The following SHOC2 variants were observed in gnomAD, a reference collection of about 807,000 sequenced individuals.
SHOC2 encodes the protein leucine-rich repeat protein SHOC-2.
A neutral mutation model predicts 50.2 loss-of-function variants in SHOC2; 4 were observed. The ratio of observed to expected loss-of-function variants is 0.08; its 90% CI spans 0.04 to 0.18. The LOEUF is 0.18. SHOC2 is among the 10% of genes least tolerant of loss of function. The probability of loss-of-function intolerance (pLI) is 1.00; values close to 1 mark genes in which losing one functional copy is unlikely to be tolerated. For missense variants in SHOC2, 388 were observed against 669.6 expected (o/e 0.58, Z 4.64); for synonymous variants, 218 against 244.5 (o/e 0.89, Z 1.01).
Position 110,964,427 on chromosome 10 carries a change from A to G in SHOC2, c.69A>G (p.Glu23=). Residue 23 remains glutamate (E), a synonymous_variant, in exon 2 of 9, where the codon GAA becomes GAG. Transcript: ENST00000369452. The surrounding 1 kb of genome is among the most constrained non-coding windows in gnomAD (Gnocchi z 4.9). ...EKDPKVPSAK[E]REKEAKASGG... Reference sequence around the variant, plus strand: ...ATCCCAAAGTACCATCAGCCAAGGAAAGAGAAAAGGAGGCAAAAGCCTCTG... The same window carrying G: ...ATCCCAAAGTACCATCAGCCAAGGAGAGAGAAAAGGAGGCAAAAGCCTCTG... 1 of 1,613,366 alleles carries G rather than the reference A, an allele frequency of 6.2e-7. No homozygotes were observed. The highest frequency in any genetic ancestry group is 8.5e-7 in the Non-Finnish European group (1 of 1,179,868).
In SHOC2 at chr10:110,964,269, A is replaced by G. The variant is rs1847628202; in HGVS notation, c.-90A>G. The G allele has an allele frequency of 1.3e-6, 2 of 1,532,230 alleles. No homozygotes were observed. Among genetic ancestry groups the G allele is most frequent in the Admixed American group, 2.2e-5 (1 of 44,480 alleles). The allele number at this position is 1,532,230 out of a possible 1,614,324, so 94.9% of individuals were successfully genotyped here. On this transcript the variant is annotated 5_prime_UTR_variant, in exon 2 of 9. The change abolishes the stop of an existing upstream ORF in the 5' untranslated region. Transcript: ENST00000369452. The surrounding 1 kb of genome is among the most constrained non-coding windows in gnomAD (Gnocchi z 4.9). ...ACTTCTTCAAGCCAGTACTTTTTTG[A>G]TTGTGTAGGATCTTTGTCTCTTCAT...
intron 2 of SHOC2, among the ~76,000 whole-genome samples, chr10:110,966,144 A>C (rs1476440474): frequency 6.6e-6 from 1 of 152,102 alleles, no homozygotes; most frequent in East Asian, 1.9e-4. Context: ...CTTTGAAAAA[A>C]GATGTGGTTT....
intron 3 of SHOC2, among the ~76,000 whole-genome samples, chr10:110,992,739 A>G (rs1199639508): frequency 6.6e-6 from 1 of 152,184 alleles, no homozygotes; most frequent in African/African-American, 2.4e-5. Flanking sequence ...CGTATGTATA[A>G]CAACTTTACT....
In SHOC2 at chr10:111,007,519, TG is replaced by T; in HGVS notation, c.1162-11del. On this transcript the variant is annotated splice_polypyrimidine_tract_variant and intron_variant, in intron 5 of 8. Coordinates refer to ENST00000369452, the MANE Select transcript of SHOC2 (RefSeq NM_007373.4). ...TGATTCTACCTTGGATGCTTCTTTTTGTCTTTGCCAGGACAATCAGTTAACA... is the reference window on the plus strand; with the variant it reads ...TGATTCTACCTTGGATGCTTCTTTTTTCTTTGCCAGGACAATCAGTTAACA... The T allele has an allele frequency of 6.2e-7, 1 of 1,613,536 alleles. No homozygotes were observed. Among genetic ancestry groups the T allele is most frequent in the Non-Finnish European group, 8.5e-7 (1 of 1,179,590 alleles).
At chr10:110,933,862 C>A (rs1291272396) in intron 1 of SHOC2, among the ~76,000 whole-genome samples, 1 of 151,970 alleles carries the variant, frequency 6.6e-6, no homozygotes, top group Admixed American at 6.6e-5. Flanking sequence ...ATGCCCATAT[C>A]TTTTGATTTT....
chr10:110,928,305 G>C (rs1846816661), intron 1 of SHOC2, among the ~76,000 whole-genome samples: 1 of 151,712 alleles, frequency 6.6e-6, no homozygotes. Flanking sequence ...CAACAAACAA[G>C]CAAAATAATT....
intron 1 of SHOC2, among the ~76,000 whole-genome samples, chr10:110,948,673 C>T (rs565610774): frequency 2.6e-5 from 4 of 152,078 alleles, no homozygotes; most frequent in East Asian, 1.9e-4. Flanking sequence ...AAAGGTGTCT[C>T]GAGACAAAAG....
In SHOC2 at chr10:111,009,723, T is replaced by G. The variant is rs1199711316; in HGVS notation, c.1433T>G (p.Leu478Trp). The stretch of plus-strand genomic sequence containing the variant: ...TTGTAAATCTTTTAGAAATTAGTCT[T>G]GACAAACAACCAGTTGACCACTCTT... ...AYLKDLQKLV[L>W]TNNQLTTLPR... Residue 478 changes from leucine to tryptophan, a missense_variant, in exon 8 of 9, where the codon TTG becomes TGG. Leu to Trp is a moderately conservative substitution (Grantham distance 61). Around this residue, in one of 5 missense-constraint regions of SHOC2, gnomAD observed 130 missense variants for 208.6 expected, o/e 0.62. Transcript: ENST00000369452. 6.2e-7 allele frequency: 1 copy of G among 1,603,704 alleles called. No homozygotes were observed. Among genetic ancestry groups the G allele is most frequent in the Non-Finnish European group, 8.5e-7 (1 of 1,170,766 alleles).
At chr10:111,004,172 A>G (rs1000039736) in intron 4 of SHOC2, among the ~76,000 whole-genome samples, 1 of 152,176 alleles carries the variant, frequency 6.6e-6, no homozygotes, top group African/African-American at 2.4e-5. Flanking sequence ...TATGACTAAG[A>G]CTAGGTAGGA....
intron 3 of SHOC2, chr10:110,988,992 CT>C: frequency 1.9e-6 from 1 of 516,810 alleles, no homozygotes. Context: ...ACTGAGACTA[CT>C]TTTGCACCAA....
At chr10:110,957,324 CAA>C (rs1394871066) in intron 1 of SHOC2, among the ~76,000 whole-genome samples, 8 of 152,156 alleles carry the variant, frequency 5.3e-5, no homozygotes, top group Non-Finnish European at 4.4e-5. Context: ...CTTTACTTCT[CAA>C]AGTCTTAGGA....
At chr10:110,975,010 T>C (rs1348368771) in intron 2 of SHOC2, among the ~76,000 whole-genome samples, 2 of 152,160 alleles carry the variant, frequency 1.3e-5, no homozygotes, top group Non-Finnish European at 2.9e-5. Flanking sequence ...AGCTTCTTGA[T>C]ATTAATTAAC....
chr10:110,962,045 A>G (rs1032315768), intron 1 of SHOC2, among the ~76,000 whole-genome samples: 3 of 152,046 alleles, frequency 2.0e-5, no homozygotes, highest in Non-Finnish European at 2.9e-5. Flanking sequence ...TTTTAAACAA[A>G]TATCTCAGGT....
At chr10:110,960,711 T>C (rs1288894210) in intron 1 of SHOC2, among the ~76,000 whole-genome samples, 4 of 152,248 alleles carry the variant, frequency 2.6e-5, no homozygotes, top group African/African-American at 9.6e-5. Flanking sequence ...AATCTCTCTC[T>C]GTCGCCCAGG....
At chr10:110,987,870 G>A (rs1345768984) in intron 3 of SHOC2, among the ~76,000 whole-genome samples, 1 of 152,018 alleles carries the variant, frequency 6.6e-6, no homozygotes, top group Non-Finnish European at 1.5e-5. Flanking sequence ...ATAACCAAAT[G>A]AACACAGCCA....
intron 1 of SHOC2, among the ~76,000 whole-genome samples, chr10:110,957,119 C>T (rs1847479208): frequency 6.6e-6 from 1 of 152,154 alleles, no homozygotes; most frequent in African/African-American, 2.4e-5. Context: ...TTGGAAATAG[C>T]AATATTCATA....
intron 1 of SHOC2, among the ~76,000 whole-genome samples, chr10:110,931,386 T>G (rs1590777738): frequency 6.6e-6 from 1 of 152,148 alleles, no homozygotes; most frequent in South Asian, 2.1e-4. Flanking sequence ...TTGTGGGTGT[T>G]TTCTCATTCT....
rs932718647 is a variant in SHOC2 at position 110,936,529 on chromosome 10, T to C, written c.-235+16872T>C. On this transcript the variant is annotated intron_variant, in intron 1 of 8. Coordinates refer to ENST00000369452, the MANE Select transcript of SHOC2 (RefSeq NM_007373.4). ...AGAAACAGTAATTTTACTATTGCAG[T>C]ATTTATCTTGATTAGTCTGCATCAG... 2.1e-5 allele frequency: 13 copies of C among 623,762 alleles called. No homozygotes were observed. In the African/African-American group the frequency reaches 2.4e-4, roughly 12 times the overall value. 38.6% of individuals were successfully genotyped at this position (623,762 alleles called of 1,614,324 possible).
intron 1 of SHOC2, among the ~76,000 whole-genome samples, chr10:110,926,914 C>T (rs1247021308): frequency 6.6e-6 from 1 of 152,084 alleles, no homozygotes; most frequent in East Asian, 1.9e-4. Context: ...CTGATCAGTG[C>T]AGTATAATAT....
Sources: allele counts gnomAD v4.1 joint callset (sites outside exome capture counted in the v4.1 genomes callset), GRCh38; gene constraint gnomAD v4.1.1; regional missense constraint gnomAD v4.1.1; non-coding constraint Gnocchi (gnomAD v3.1); transcripts MANE v1.5; gene names NCBI Gene and HGNC (gene_info 2026-07-23, HGNC 2026-07-21).